Variants in PHYHIPL observed in about 807,000 individuals in gnomAD.
The protein encoded by PHYHIPL is phytanoyl-CoA 2-hydroxylase interacting protein like, also known as phytanoyl-CoA hydroxylase-interacting protein-like.
A neutral mutation model predicts 33.4 loss-of-function variants in PHYHIPL; 9 were observed. The observed-to-expected ratio is 0.27, with a 90% CI of 0.16 to 0.47. PHYHIPL has a LOEUF of 0.47. PHYHIPL is among the 20% of genes least tolerant of loss of function. The pLI, the probability that PHYHIPL is intolerant of heterozygous loss-of-function variation, is 0.99. For missense variants in PHYHIPL, 365 were observed against 460.7 expected (o/e 0.79, Z 1.90); for synonymous variants, 153 against 154.1 (o/e 0.99, Z 0.05).
At chr10:59,180,780 C>T (rs1440991106) in intron 1 of PHYHIPL, among the ~76,000 whole-genome samples, 1 of 152,048 alleles carries the variant, frequency 6.6e-6, no homozygotes, top group Non-Finnish European at 1.5e-5. Flanking sequence ...TAAGACCTCA[C>T]TTATGTTATT....
At chr10:59,188,978 C>T (rs910796493) in intron 1 of PHYHIPL, among the ~76,000 whole-genome samples, 11 of 151,970 alleles carry the variant, frequency 7.2e-5, no homozygotes, top group African/African-American at 2.7e-4. Flanking sequence ...ACATGCGTTT[C>T]CAGGTACACT....
In PHYHIPL at chr10:59,245,171, T is replaced by C. The variant is rs1375553232; in HGVS notation, c.711T>C (p.Asn237=). ...GIFFSCSTEF[N]TGKPPQDSPY... is the part of the protein sequence containing the mutation. The stretch of plus-strand genomic sequence containing the variant: ...TCTTCAGCTGCAGCACTGAATTCAA[T>C]ACTGGAAAGCCACCCCAGGATTCAC... The change falls in exon 5 of 5, where the codon AAT becomes AAC. Residue 237 remains asparagine, a synonymous_variant. Coordinates refer to ENST00000373880, the MANE Select transcript of PHYHIPL (RefSeq NM_032439.4). 7 of 1,614,012 alleles carry C rather than the reference T, an allele frequency of 4.3e-6. No individual in the cohort carries two copies. The highest frequency in any genetic ancestry group is 5.9e-6 in the Non-Finnish European group (7 of 1,180,022).
intron 1 of PHYHIPL, among the ~76,000 whole-genome samples, chr10:59,219,519 A>T (rs1178740429): frequency 2.6e-5 from 4 of 152,180 alleles, no homozygotes; most frequent in Non-Finnish European, 5.9e-5. Context: ...TCACAACATT[A>T]TGCTAATTGG....
At chr10:59,225,166 C>T (rs374358383) in intron 1 of PHYHIPL, among the ~76,000 whole-genome samples, 2 of 20,638 alleles carry the variant, frequency 9.7e-5, no homozygotes, top group African/African-American at 1.5e-4. Flanking sequence ...TAGAGGAAAA[C>T]TCTTCTTAAC....
intron 1 of PHYHIPL, among the ~76,000 whole-genome samples, chr10:59,199,734 A>G (rs577253163): frequency 1.3e-5 from 2 of 152,142 alleles, no homozygotes; most frequent in East Asian, 3.9e-4. Context: ...TATTTCTTTG[A>G]GCAGTGGTTT....
At chr10:59,183,792 T>A (rs1044403364) in intron 1 of PHYHIPL, 14 of 432,936 alleles carry the variant, frequency 3.2e-5, no homozygotes, top group African/African-American at 3.0e-4. Flanking sequence ...GGATTGTGCA[T>A]ATACACCATT....
At chr10:59,225,346 C>T (rs1371344155) in intron 1 of PHYHIPL, among the ~76,000 whole-genome samples, 1 of 151,450 alleles carries the variant, frequency 6.6e-6, no homozygotes, top group East Asian at 2.0e-4. Flanking sequence ...TCTGTGCTGT[C>T]ACCCTGTGAT....
rs1840224479 is a variant in PHYHIPL, at chr10:59,236,150, C to T, written c.304-333C>T. On this transcript the variant is annotated intron_variant, in intron 2 of 4. Transcript: ENST00000373880. ...ATGTTATTAACAAGCTGTATGACCTCGAACTTGTCTCTTGATAAAGTTGGG... is the reference window on the plus strand; with the variant it reads ...ATGTTATTAACAAGCTGTATGACCTTGAACTTGTCTCTTGATAAAGTTGGG... Among the ~76,000 whole-genome samples, 4 of 151,750 alleles carry T rather than the reference C, an allele frequency of 2.6e-5. No homozygotes were observed. In the South Asian group the frequency reaches 8.3e-4, roughly 31 times the overall value.
chr10:59,204,072 A>C (rs1839214432), intron 1 of PHYHIPL, among the ~76,000 whole-genome samples: 4 of 152,186 alleles, frequency 2.6e-5, no homozygotes, highest in South Asian at 4.1e-4. Context: ...GGAAGTCTTT[A>C]TGTAGATTTA....
chr10:59,188,877 G>A (rs550193723), intron 1 of PHYHIPL, among the ~76,000 whole-genome samples: 1 of 152,120 alleles, frequency 6.6e-6, no homozygotes, highest in South Asian at 2.1e-4. Flanking sequence ...CGTGAGATGG[G>A]TTTCCTGAAT....
At chr10:59,202,278 C>T (rs920594122) in intron 1 of PHYHIPL, among the ~76,000 whole-genome samples, 1 of 151,946 alleles carries the variant, frequency 6.6e-6, no homozygotes, top group African/African-American at 2.4e-5. Context: ...GAAGCCCATC[C>T]CCCACCGTTA....
At chr10:59,224,485 C>CAAAACAAAACAA (rs1176919905) in intron 1 of PHYHIPL, among the ~76,000 whole-genome samples, 1 of 150,834 alleles carries the variant, frequency 6.6e-6, no homozygotes, top group Non-Finnish European at 1.5e-5. Flanking sequence ...CAAAACAAAA[C>CAAAACAAAACAA]AAAACAAAAC....
At chr10:59,224,497 A>C (rs12413700) in intron 1 of PHYHIPL, among the ~76,000 whole-genome samples, 3,862 of 70,470 alleles carry the variant, frequency 0.055, 156 homozygotes, top group African/African-American at 0.11. Context: ...AAACAAAACA[A>C]AAAACAAAAC....
chr10:59,235,283 C>T (rs1840189990), intron 2 of PHYHIPL, among the ~76,000 whole-genome samples: 1 of 151,764 alleles, frequency 6.6e-6, no homozygotes, highest in African/African-American at 2.4e-5. Context: ...TAACACTTCT[C>T]TGATATTTAT....
At chr10:59,238,328 T>C (rs908867039) in intron 3 of PHYHIPL, among the ~76,000 whole-genome samples, 3 of 151,992 alleles carry the variant, frequency 2.0e-5, no homozygotes, top group Non-Finnish European at 4.4e-5. Flanking sequence ...TAATTTTTGT[T>C]TCAGTATCTC....
At chr10:59,212,630 C>T (rs548486617) in intron 1 of PHYHIPL, among the ~76,000 whole-genome samples, 1 of 152,318 alleles carries the variant, frequency 6.6e-6, no homozygotes, top group South Asian at 2.1e-4. Flanking sequence ...CATAAATCCT[C>T]TTCAACCACT....
chr10:59,243,938 A>G (rs893855273), intron 4 of PHYHIPL, among the ~76,000 whole-genome samples: 1 of 152,166 alleles, frequency 6.6e-6, no homozygotes, highest in Non-Finnish European at 1.5e-5. Context: ...ATGAAAGGGA[A>G]TAGGAATTCA....
chr10:59,203,156 A>G (rs1487177952), intron 1 of PHYHIPL, among the ~76,000 whole-genome samples: 3 of 152,200 alleles, frequency 2.0e-5, no homozygotes, highest in Non-Finnish European at 4.4e-5. Flanking sequence ...GCCAACAGAC[A>G]CATGAAAAAA....
At chr10:59,243,863 A>G (rs1265014159) in intron 4 of PHYHIPL, among the ~76,000 whole-genome samples, 1 of 152,046 alleles carries the variant, frequency 6.6e-6, no homozygotes, top group Non-Finnish European at 1.5e-5. Context: ...GGTAACAAAT[A>G]GGGGATGCTA....
Sources: gnomAD v4.1 joint callset for allele counts (sites outside exome capture counted in the v4.1 genomes callset) on GRCh38, gnomAD v4.1.1 for gene constraint, MANE v1.5 for transcripts, NCBI Gene and HGNC (gene_info 2026-07-23, HGNC 2026-07-21) for gene names.